The following PLEKHA8 variants were observed in gnomAD, a reference collection of about 807,000 sequenced individuals.
The protein encoded by PLEKHA8 is pleckstrin homology domain-containing family A member 8.
In PLEKHA8, 36 loss-of-function variants were observed where a neutral mutation model predicts 68.2. The ratio of observed to expected loss-of-function variants is 0.53; its 90% confidence interval spans 0.40 to 0.70. The LOEUF (loss-of-function observed/expected upper bound fraction) is 0.70, where lower values mean the gene tolerates loss of function less well. Ranked by LOEUF, PLEKHA8 falls within the 30% of genes least tolerant of loss-of-function variation. The pLI is 0.00. For missense variants in PLEKHA8, 505 were observed against 615.4 expected (o/e 0.82, Z 1.90); for synonymous variants, 211 against 216.1 (o/e 0.98, Z 0.20).
downstream of PLEKHA8, among the ~76,000 whole-genome samples, chr7:30,091,265 T>C (rs1795405005): frequency 1.3e-5 from 2 of 152,128 alleles, no homozygotes; most frequent in African/African-American, 4.8e-5. Context: ...TACTCTTTTT[T>C]TTTTTTGTAC....
In PLEKHA8 at chr7:30,055,945, C is replaced by CTT. The variant is rs530852500; in HGVS notation, c.1039+617_1039+618dup. On this transcript the variant is annotated intron_variant, in intron 9 of 13. Transcript: ENST00000449726. ...ACCATACCCAACCAAAACATATTTT[C>CTT]TTTTTTTTTTTTTTTGAGACGGAGT... Among the ~76,000 whole-genome samples, 285 of 136,238 alleles carry CTT rather than the reference C, an allele frequency of 2.1e-3. 3 individuals carry two copies. Among genetic ancestry groups the CTT allele is most frequent in the East Asian group, 0.014 (66 of 4,600 alleles). The allele number at this position is 136,238 out of a possible 152,430, so 89.4% of individuals were successfully genotyped here. A position where few individuals can be genotyped will look rare whatever the true frequency, so the allele number is the denominator to read the frequency against.
At chr7:30,049,505 C>A in intron 5 of PLEKHA8, 123 bp downstream of exon 5, 1 of 1,283,146 alleles carries the variant, frequency 7.8e-7, no homozygotes, top group Non-Finnish European at 1.1e-6. Context: ...GGACTTTGCT[C>A]TACGTCCTTT....
chr7:30,089,829 A>C (rs1795340094), intron 12 of PLEKHA8, among the ~76,000 whole-genome samples: 1 of 150,218 alleles, frequency 6.7e-6, no homozygotes. Context: ...TGAGATAAAA[A>C]GGCAGATGAC....
intron 12 of PLEKHA8, chr7:30,071,791 G>A (rs1368983120): frequency 1.3e-5 from 2 of 152,218 alleles, no homozygotes; most frequent in Non-Finnish European, 2.9e-5. Flanking sequence ...AGGATTCACA[G>A]TATCTTACCT....
intron 1 of PLEKHA8, among the ~76,000 whole-genome samples, chr7:30,029,875 C>A (rs531328416): frequency 1.1e-4 from 16 of 152,342 alleles, no homozygotes; most frequent in Middle Eastern, 3.4e-3. Flanking sequence ...CACAGCACAG[C>A]CAAAGGTGCC....
chr7:30,045,836 T>TA, intron 2 of PLEKHA8, among the ~76,000 whole-genome samples: 1 of 152,294 alleles, frequency 6.6e-6, no homozygotes, highest in East Asian at 1.9e-4. Flanking sequence ...TCCAAGGAGA[T>TA]AAAAAACATA....
chr7:30,047,798 C>G, intron 3 of PLEKHA8, 34 bp from the exon 4 acceptor site: 2 of 1,591,774 alleles, frequency 1.3e-6, no homozygotes, highest in South Asian at 1.1e-5. Flanking sequence ...GTTGTTTGTT[C>G]TGGTTACTGC....
downstream of PLEKHA8, among the ~76,000 whole-genome samples, chr7:30,095,301 T>C (rs866518846): frequency 1.6e-3 from 238 of 152,366 alleles, no homozygotes; most frequent in African/African-American, 5.4e-3. Flanking sequence ...TTTCATGTGT[T>C]TTTTGGCTAC....
chr7:30,101,974 A>G (rs1158559820), intron 13 of PLEKHA8, among the ~76,000 whole-genome samples: 1 of 152,232 alleles, frequency 6.6e-6, no homozygotes, highest in Non-Finnish European at 1.5e-5. Context: ...ATCAAAGGAC[A>G]TTGTCAAAGA....
chr7:30,088,963 G>A (rs1377819652), downstream of PLEKHA8, among the ~76,000 whole-genome samples: 1 of 152,050 alleles, frequency 6.6e-6, no homozygotes, highest in African/African-American at 2.4e-5. Context: ...GGAGAGATGG[G>A]TGAAACAGAG....
intron 12 of PLEKHA8, chr7:30,072,184 G>C (rs1485582116): frequency 6.6e-6 from 1 of 152,138 alleles, no homozygotes; most frequent in Non-Finnish European, 1.5e-5. Flanking sequence ...CTTCATACTT[G>C]AATGTATTAA....
intron 13 of PLEKHA8, among the ~76,000 whole-genome samples, chr7:30,128,903 T>A (rs1388393112): frequency 4.6e-5 from 7 of 152,094 alleles, no homozygotes; most frequent in Non-Finnish European, 1.0e-4. Context: ...CAGGCTCTTT[T>A]TAACAACCAG....
At chr7:30,107,487 A>G (rs756347801) in intron 13 of PLEKHA8, among the ~76,000 whole-genome samples, 5 of 152,054 alleles carry the variant, frequency 3.3e-5, no homozygotes, top group Non-Finnish European at 5.9e-5. Context: ...GTAGTAGTTT[A>G]TAGGTTCCTT....
chr7:30,047,221 T>C (rs1192465449), intron 3 of PLEKHA8, among the ~76,000 whole-genome samples: 1 of 152,192 alleles, frequency 6.6e-6, no homozygotes, highest in Non-Finnish European at 1.5e-5. Context: ...TGCACTTTTT[T>C]TTTTCATGAA....
chr7:30,086,326 A>G (rs1347459321), downstream of PLEKHA8, among the ~76,000 whole-genome samples: 2 of 152,172 alleles, frequency 1.3e-5, no homozygotes, highest in South Asian at 2.1e-4. Flanking sequence ...TAAAACATCA[A>G]TACCGCTGGA....
Position 30,083,099 on chromosome 7 carries a change from A to G in PLEKHA8, c.*4312A>G. On this transcript the variant is annotated 3_prime_UTR_variant, in exon 14 of 14. Coordinates refer to ENST00000449726, the MANE Select transcript of PLEKHA8 (RefSeq NM_001197026.2). ...GATGTAGAGTTTATAAGTAAAATAT[A>G]TTTTTAGCCATTGTTCTGTTAGCTG... is the stretch of plus-strand genomic sequence containing the variant. The G allele has an allele frequency of 1.0e-6, 1 of 983,946 alleles. No homozygotes were observed. Among genetic ancestry groups the G allele is most frequent in the Non-Finnish European group, 1.2e-6 (1 of 828,708 alleles). The allele number at this position is 983,946 out of a possible 1,614,324, so 61.0% of individuals were successfully genotyped here. A position where few individuals can be genotyped will look rare whatever the true frequency, so the allele number is the denominator to read the frequency against.
intron 10 of PLEKHA8, among the ~76,000 whole-genome samples, chr7:30,061,352 G>T (rs1000601982): frequency 6.6e-6 from 1 of 152,224 alleles, no homozygotes; most frequent in Non-Finnish European, 1.5e-5. Context: ...TCCAGTGGTA[G>T]TTGTGGGACC....
intron 13 of PLEKHA8, among the ~76,000 whole-genome samples, chr7:30,119,963 G>C (rs1376684934): frequency 6.6e-6 from 1 of 152,060 alleles, no homozygotes; most frequent in East Asian, 1.9e-4. Context: ...TGCTGAATGA[G>C]AGATTTGTTA....
chr7:30,080,373 A>G lies in PLEKHA8; in HGVS notation c.*1586A>G, dbSNP rs1041523514. 1.6e-5 allele frequency: 16 copies of G among 985,160 alleles called. No individual in the cohort carries two copies. The Admixed American group carries it at 1.8e-4, about 11-fold the overall frequency. The allele number at this position is 985,160 out of a possible 1,614,324, so 61.0% of individuals were successfully genotyped here. A position where few individuals can be genotyped will look rare whatever the true frequency, so the allele number is the denominator to read the frequency against. On this transcript the variant is annotated 3_prime_UTR_variant, in exon 14 of 14. Transcript: ENST00000449726. ...ACTTCCTTCTAGTAACAGGAAGGGAAGTTCCAGCATGAGGTAGTTATCCAG... is the reference window on the plus strand; with the variant it reads ...ACTTCCTTCTAGTAACAGGAAGGGAGGTTCCAGCATGAGGTAGTTATCCAG...
Sources: gnomAD v4.1 joint callset for allele counts (sites outside exome capture counted in the v4.1 genomes callset) on GRCh38, gnomAD v4.1.1 for gene constraint, MANE v1.5 for transcripts, NCBI Gene and HGNC (gene_info 2026-07-23, HGNC 2026-07-21) for gene names.